COBL: variants seen among roughly 807,000 people sequenced by gnomAD.
COBL encodes protein cordon-bleu.
Under a neutral mutation model 98.8 loss-of-function variants are expected in COBL, and 51 were observed. That is an observed-to-expected ratio of 0.52 (90% CI 0.41 to 0.65). The LOEUF is 0.65. Among genes scored for constraint, COBL ranks in the 30% least tolerant of loss-of-function variants. The probability of loss-of-function intolerance (pLI) is 0.00; values close to 1 mark genes in which losing one functional copy is unlikely to be tolerated. For synonymous variants in COBL, 634 were observed against 651.7 expected (o/e 0.97, Z 0.41); for missense variants, 1,617 against 1,617.5 (o/e 1.00, Z 0.01).
intron 1 of COBL, among the ~76,000 whole-genome samples, chr7:51,272,925 G>A (rs1434592930): frequency 1.3e-5 from 2 of 151,656 alleles, no homozygotes; most frequent in Admixed American, 1.3e-4. Flanking sequence ...CTATGTCTGC[G>A]TTTTCATCTA....
intron 5 of COBL, among the ~76,000 whole-genome samples, chr7:51,160,207 A>T (rs933312732): frequency 6.6e-6 from 1 of 152,222 alleles, no homozygotes; most frequent in Non-Finnish European, 1.5e-5. Flanking sequence ...TTAATGGTCA[A>T]ATAGGTATGG....
chr7:51,238,610 T>C (rs1294013922), intron 1 of COBL, among the ~76,000 whole-genome samples: 1 of 151,634 alleles, frequency 6.6e-6, no homozygotes, highest in Non-Finnish European at 1.5e-5. Context: ...TTTCTTATGT[T>C]AAAGCAAAGG....
chr7:51,277,932 G>A (rs1397284427), intron 1 of COBL, among the ~76,000 whole-genome samples: 1 of 152,134 alleles, frequency 6.6e-6, no homozygotes, highest in African/African-American at 2.4e-5. Context: ...AGTAAGAGAG[G>A]ACATATCTGT....
intron 5 of COBL, among the ~76,000 whole-genome samples, chr7:51,172,769 C>A (rs1051330416): frequency 1.3e-5 from 2 of 152,026 alleles, no homozygotes; most frequent in Non-Finnish European, 2.9e-5. Flanking sequence ...TTCTTTCTTT[C>A]TTTTTTTCTT....
chr7:51,203,739 C>T (rs1414354507), intron 2 of COBL, among the ~76,000 whole-genome samples: 1 of 151,992 alleles, frequency 6.6e-6, no homozygotes, highest in Non-Finnish European at 1.5e-5. Context: ...AATTAAATCT[C>T]ATCACAAACG....
intron 1 of COBL, among the ~76,000 whole-genome samples, chr7:51,223,633 T>C (rs1793876397): frequency 6.6e-6 from 1 of 152,222 alleles, no homozygotes; most frequent in Non-Finnish European, 1.5e-5. Flanking sequence ...TGCCTTGGCC[T>C]CACTGTACTC....
chr7:51,211,863 T>C (rs1792467672), intron 2 of COBL, among the ~76,000 whole-genome samples: 1 of 152,088 alleles, frequency 6.6e-6, no homozygotes, highest in Non-Finnish European at 1.5e-5. Flanking sequence ...AAAAATCTCA[T>C]CTCTCTCCTT....
intron 2 of COBL, among the ~76,000 whole-genome samples, chr7:51,207,683 C>T (rs962199341): frequency 2.0e-5 from 3 of 152,234 alleles, no homozygotes; most frequent in Non-Finnish European, 2.9e-5. Context: ...CCGCCAGCCT[C>T]GGCCTCCCGA....
At chr7:51,310,543 T>A (rs972776482) in intron 1 of COBL, among the ~76,000 whole-genome samples, 9 of 152,160 alleles carry the variant, frequency 5.9e-5, no homozygotes, top group African/African-American at 2.2e-4. Context: ...TGGCTCCCCA[T>A]GGGGATTCAG....
At chr7:51,124,229 C>T (rs766653167) in intron 6 of COBL, among the ~76,000 whole-genome samples, 3 of 152,198 alleles carry the variant, frequency 2.0e-5, no homozygotes, top group Non-Finnish European at 4.4e-5. Context: ...AGTTGGCCGA[C>T]GACTGGATGA....
chr7:51,101,676 C>T (rs983404000), intron 6 of COBL, among the ~76,000 whole-genome samples: 1 of 152,230 alleles, frequency 6.6e-6, no homozygotes, highest in Non-Finnish European at 1.5e-5. Flanking sequence ...TAGTAAAGCA[C>T]CCACCTACTG....
chr7:51,082,990 G>T, intron 7 of COBL: 1 of 1,444,440 alleles, frequency 6.9e-7, no homozygotes, highest in Non-Finnish European at 9.4e-7. Flanking sequence ...TGGAAACCCA[G>T]CCCTGACATC....
At position 51,111,674 on chromosome 7, in the gene COBL, G is replaced by C. The variant is rs185816962; in HGVS notation, c.957+24484C>G. 7.1e-3 allele frequency among the ~76,000 whole-genome samples: 1,088 copies of C among 152,174 alleles called. 13 individuals carry two copies. The highest frequency in any genetic ancestry group is 0.025 in the African/African-American group (1,056 of 41,484). On this transcript the variant is annotated intron_variant, in intron 6 of 12. Coordinates refer to ENST00000265136, the MANE Select transcript of COBL (RefSeq NM_015198.5). ...AAAGAAACAGCTGCCTCTCCCCCGT[G>C]CCTGGGCCCCTGCATGCTCCTTGAC...
In COBL at chr7:51,219,750, A is replaced by T. The variant is rs942288437; in HGVS notation, c.236T>A (p.Leu79His). The T allele has an allele frequency of 6.2e-7, 1 of 1,613,830 alleles. No homozygotes were observed. Among genetic ancestry groups the T allele is most frequent in the African/African-American group, 1.3e-5 (1 of 75,024 alleles). ...CAGCACCGGCTCTCACCTCCCATTG[A>T]GCACGCTCCTCTTCTCCAGCCCACT... ...LPSGLEKRSV[L>H]NGSHAMMDLL... The change falls in exon 2 of 13, where the codon CTC becomes CAC. Residue 79 changes from leucine (L) to histidine (H), a missense_variant. By Grantham distance (99) the Leu-to-His change is moderately conservative (BLOSUM62 -3). Around this residue, in one of 3 missense-constraint regions of COBL, gnomAD observed 238 missense variants for 215.0 expected, o/e 1.11. Coordinates refer to ENST00000265136, the MANE Select transcript of COBL (RefSeq NM_015198.5).
At chr7:51,209,834 A>T (rs1334130472) in intron 2 of COBL, among the ~76,000 whole-genome samples, 4 of 152,116 alleles carry the variant, frequency 2.6e-5, no homozygotes, top group Non-Finnish European at 5.9e-5. Flanking sequence ...TACCCAGTAA[A>T]CAGATACAAA....
chr7:51,259,885 C>G (rs1584333965), intron 1 of COBL: 2 of 755,984 alleles, frequency 2.6e-6, no homozygotes, highest in South Asian at 1.4e-5. Context: ...TGTCATTAAT[C>G]CTTTCAATGC....
intron 4 of COBL, among the ~76,000 whole-genome samples, chr7:51,189,888 C>T (rs1053943007): frequency 6.6e-5 from 10 of 152,164 alleles, no homozygotes; most frequent in Non-Finnish European, 1.5e-4. Context: ...GCAGTTAGCA[C>T]TCTATATCAA....
intron 2 of COBL, among the ~76,000 whole-genome samples, chr7:51,216,547 G>A (rs767445055): frequency 1.3e-5 from 2 of 152,108 alleles, no homozygotes; most frequent in Non-Finnish European, 2.9e-5. Context: ...TGGGGTGCTG[G>A]TAATACCATC....
At chr7:51,259,917 G>T in intron 1 of COBL, 1 of 755,504 alleles carries the variant, frequency 1.3e-6, no homozygotes, top group Non-Finnish European at 2.4e-6. Flanking sequence ...GCCAAGGAAT[G>T]TTATCTGGCA....
Sources: gnomAD v4.1 joint callset for allele counts (sites outside exome capture counted in the v4.1 genomes callset) on GRCh38, gnomAD v4.1.1 for gene constraint, gnomAD v4.1.1 regional missense constraint, MANE v1.5 for transcripts, NCBI Gene and HGNC (gene_info 2026-07-23, HGNC 2026-07-21) for gene names.